Variants in SGK1 observed in about 807,000 individuals in gnomAD.
SGK1 encodes the protein serine/threonine-protein kinase Sgk1.
Under a neutral mutation model 64.2 loss-of-function variants are expected in SGK1, and 26 were observed. The observed-to-expected ratio is 0.40, with a 90% CI of 0.30 to 0.56. The LOEUF is 0.56. SGK1 is among the 20% of genes least tolerant of loss of function. The pLI is 0.38. For synonymous variants in SGK1, 265 were observed against 239.7 expected, an observed-to-expected ratio of 1.11 and a Z score of -0.98; for missense variants, 519 against 645.6, an observed-to-expected ratio of 0.80 and a Z score of 2.12.
At chr6:134,250,013 A>G (rs1039037975) in intron 2 of SGK1, among the ~76,000 whole-genome samples, 2 of 152,200 alleles carry the variant, frequency 1.3e-5, no homozygotes, top group Non-Finnish European at 2.9e-5. Context: ...TCTGCTACTC[A>G]TCAAACCCAG....
intron 1 of SGK1, among the ~76,000 whole-genome samples, chr6:134,264,123 T>C (rs979822723): frequency 7.4e-6 from 1 of 135,506 alleles, no homozygotes; most frequent in Non-Finnish European, 1.5e-5. Context: ...TTTTCTTTCT[T>C]TTTTTTTTTT....
At chr6:134,257,350 C>A (rs1776700864) in intron 2 of SGK1, among the ~76,000 whole-genome samples, 1 of 152,178 alleles carries the variant, frequency 6.6e-6, no homozygotes, top group African/African-American at 2.4e-5. Context: ...TTACTGTGAG[C>A]TGAGATCGTG....
At chr6:134,213,389 C>T (rs866863578) in intron 2 of SGK1, among the ~76,000 whole-genome samples, 1 of 151,904 alleles carries the variant, frequency 6.6e-6, no homozygotes, top group Middle Eastern at 3.4e-3. Context: ...GGTGTGGTGG[C>T]GCACACCTGT....
At chr6:134,201,606 C>T (rs1243594599) in intron 3 of SGK1, among the ~76,000 whole-genome samples, 1 of 152,102 alleles carries the variant, frequency 6.6e-6, no homozygotes, top group African/African-American at 2.4e-5. Context: ...AGGTGATCCA[C>T]CTGCCTCAGC....
In SGK1 at chr6:134,317,567, G is replaced by A; in HGVS notation, c.-107C>T. 1.3e-6 allele frequency: 1 copy of A among 768,900 alleles called. No individual in the cohort carries two copies. The highest frequency in any genetic ancestry group is 1.7e-5 in the African/African-American group (1 of 58,674). The allele number at this position is 768,900 out of a possible 1,614,324, so 47.6% of individuals were successfully genotyped here. A position where few individuals can be genotyped will look rare whatever the true frequency, so the allele number is the denominator to read the frequency against. Reference sequence around the variant, plus strand: ...CCTGCAGACAGTTAATGAAGACTGAGCGGGATGGAGAATCTAGCGGGGCTC... The same window carrying A: ...CCTGCAGACAGTTAATGAAGACTGAACGGGATGGAGAATCTAGCGGGGCTC... On this transcript the variant is annotated 5_prime_UTR_variant, in exon 1 of 14. Transcript: ENST00000367858.
At chr6:134,247,341 T>C (rs1776539787) in intron 2 of SGK1, among the ~76,000 whole-genome samples, 1 of 152,122 alleles carries the variant, frequency 6.6e-6, no homozygotes, top group African/African-American at 2.4e-5. Flanking sequence ...GAGGTTAGAG[T>C]AGCAGGCTGC....
chr6:134,303,412 A>G (rs1324129207), intron 1 of SGK1, among the ~76,000 whole-genome samples: 2 of 151,820 alleles, frequency 1.3e-5, no homozygotes, highest in Non-Finnish European at 2.9e-5. Context: ...AAGAAAAAAA[A>G]AGATAGTTAA....
intron 2 of SGK1, among the ~76,000 whole-genome samples, chr6:134,226,476 T>C (rs1410754910): frequency 6.6e-6 from 1 of 151,898 alleles, no homozygotes; most frequent in African/African-American, 2.4e-5. Context: ...AGGCTGTGGA[T>C]TGCCTGGAGT....
intron 1 of SGK1, among the ~76,000 whole-genome samples, chr6:134,266,942 T>C (rs1776863448): frequency 6.6e-6 from 1 of 152,194 alleles, no homozygotes; most frequent in South Asian, 2.1e-4. Context: ...TCTCCAACGT[T>C]GTAGTTTAAA....
At chr6:134,232,102 G>A (rs568905273) in intron 2 of SGK1, among the ~76,000 whole-genome samples, 38 of 150,518 alleles carry the variant, frequency 2.5e-4, no homozygotes, top group African/African-American at 4.6e-4. Flanking sequence ...AAGAAATCAC[G>A]ATAGAGCTGG....
At chr6:134,283,817 C>T (rs1027284148) in intron 1 of SGK1, among the ~76,000 whole-genome samples, 6 of 133,658 alleles carry the variant, frequency 4.5e-5, no homozygotes, top group African/African-American at 2.8e-5. Context: ...GAGCCATGAT[C>T]GCAGCACTGC....
intron 1 of SGK1, chr6:134,297,407 C>T (rs9493887): frequency 0.17 from 124,833 of 734,356 alleles, 11,528 homozygotes; most frequent in Admixed American, 0.26. Flanking sequence ...CCCCATGCTG[C>T]TCGGCATCTG....
At chr6:134,204,994 TG>T (rs1775747093) in intron 3 of SGK1, among the ~76,000 whole-genome samples, 1 of 152,068 alleles carries the variant, frequency 6.6e-6, no homozygotes, top group African/African-American at 2.4e-5. Flanking sequence ...TTTCTTTCTC[TG>T]TTTCTCTCTT....
intron 3 of SGK1, among the ~76,000 whole-genome samples, chr6:134,194,734 G>T (rs1344614128): frequency 2.6e-5 from 4 of 152,040 alleles, no homozygotes; most frequent in African/African-American, 9.7e-5. Context: ...TGTCGGCCAG[G>T]CTGGTCTTGA....
chr6:134,236,622 A>C lies in SGK1; in HGVS notation c.285+25311T>G, dbSNP rs1160882612. On this transcript the variant is annotated intron_variant, in intron 2 of 13. Transcript: ENST00000367858. ...AGCCTGGATGACAGACCGAGACTCT[A>C]TCTCAAAAATAAATAAGTAAATAAT... 6.6e-5 allele frequency among the ~76,000 whole-genome samples: 10 copies of C among 152,196 alleles called. No homozygotes were observed. In the South Asian group the frequency reaches 1.0e-3, roughly 16 times the overall value.
chr6:134,170,504 C>A, intron 13 of SGK1, 69 bp from the exon 14 acceptor site: 1 of 1,450,392 alleles, frequency 6.9e-7, no homozygotes. Flanking sequence ...AAATCTTGAC[C>A]AGGCTTTAAA....
chr6:134,172,789 A>C lies in SGK1; in HGVS notation c.835-15T>G, dbSNP rs377044935. ...TGGTAGAACAACTGCAGGAGACAGA[A>C]CAAAGTCATTCTGGGTTGCAAATGA... is the stretch of plus-strand genomic sequence containing the variant. On this transcript the variant is annotated splice_polypyrimidine_tract_variant and intron_variant, in intron 8 of 13. Transcript: ENST00000367858. 2.6e-6 allele frequency: 4 copies of C among 1,565,094 alleles called. No homozygotes were observed. The African/African-American group carries it at 5.4e-5, about 21-fold the overall frequency.
At chr6:134,276,494 G>A (rs970555126) in intron 1 of SGK1, among the ~76,000 whole-genome samples, 1 of 152,220 alleles carries the variant, frequency 6.6e-6, no homozygotes, top group Non-Finnish European at 1.5e-5. Flanking sequence ...AGCTAAGTGG[G>A]TCAGACATCA....
In SGK1 at chr6:134,170,358, A is replaced by G; in HGVS notation, c.1491T>C (p.Pro497=). The change falls in exon 14 of 14, where the codon CCT becomes CCC. Residue 497 remains proline, a synonymous_variant. Transcript: ENST00000367858. ...CGCTGGCTGTGACGAGGACGCTGTC[A>G]GGGGACTTGCCAATGGAGTTGGGGA... ...EPVPNSIGKS[P]DSVLVTASVK... is the part of the protein sequence containing the mutation. 6.2e-7 allele frequency: 1 copy of G among 1,614,162 alleles called. No homozygotes were observed. The highest frequency in any genetic ancestry group is 8.5e-7 in the Non-Finnish European group (1 of 1,180,000).
Sources: allele counts gnomAD v4.1 joint callset (sites outside exome capture counted in the v4.1 genomes callset), GRCh38; gene constraint gnomAD v4.1.1; transcripts MANE v1.5; gene names NCBI Gene and HGNC (gene_info 2026-07-23, HGNC 2026-07-21).